Variants in GALNT13 observed in about 807,000 individuals in gnomAD.
The protein encoded by GALNT13 is polypeptide N-acetylgalactosaminyltransferase 13.
A neutral mutation model predicts 64.2 loss-of-function variants in GALNT13; 28 were observed. The observed-to-expected ratio is 0.44, with a 90% CI of 0.32 to 0.60. GALNT13 has a LOEUF of 0.60. Among genes scored for constraint, GALNT13 ranks in the 20% least tolerant of loss-of-function variants. The pLI, the probability that GALNT13 is intolerant of heterozygous loss-of-function variation, is 0.05. For synonymous variants in GALNT13, 214 were observed against 224.6 expected (o/e 0.95, Z 0.42); for missense variants, 577 against 669.8 (o/e 0.86, Z 1.53).
intron 10 of GALNT13, among the ~76,000 whole-genome samples, chr2:154,407,080 G>A (rs1699580123): frequency 6.6e-6 from 1 of 152,118 alleles, no homozygotes; most frequent in African/African-American, 2.4e-5. Flanking sequence ...GTACTAGGCT[G>A]AATATGGCTT....
chr2:154,078,523 C>G (rs958723090), intron 3 of GALNT13, among the ~76,000 whole-genome samples: 1 of 151,450 alleles, frequency 6.6e-6, no homozygotes, highest in Non-Finnish European at 1.5e-5. Flanking sequence ...CTTCATCTTT[C>G]TTTATCTCTG....
rs1200011180 is a variant in GALNT13, at chr2:153,872,188, C to G, written c.-292C>G. On this transcript the variant is annotated 5_prime_UTR_variant, in exon 1 of 13. Coordinates refer to ENST00000392825, the MANE Select transcript of GALNT13 (RefSeq NM_052917.4). The stretch of plus-strand genomic sequence containing the variant: ...GGCGCGGGTTCCAGGTGAGCGCGGA[C>G]TCGGCGAGCCCCGCACTCGGCGCGG... The G allele has an allele frequency of 6.6e-6, 1 of 150,974 alleles. No individual in the cohort carries two copies. The highest frequency in any genetic ancestry group is 2.0e-4 in the East Asian group (1 of 5,002). The allele number at this position is 150,974 out of a possible 1,614,324, so 9.4% of individuals were successfully genotyped here. A position where few individuals can be genotyped will look rare whatever the true frequency, so the allele number is the denominator to read the frequency against.
At chr2:153,747,842 A>C in the GALNT13 span, among the ~76,000 whole-genome samples, 1 of 152,088 alleles carries the variant, frequency 6.6e-6, no homozygotes, top group African/African-American at 2.4e-5. Context: ...TGTTGTTGCA[A>C]ATGACAGGAT....
chr2:153,651,019 G>T, the GALNT13 span, among the ~76,000 whole-genome samples: 2 of 152,070 alleles, frequency 1.3e-5, no homozygotes, highest in African/African-American at 4.8e-5. Context: ...AAATTTCGCA[G>T]ACCAATGGGC....
At chr2:154,024,908 A>G (rs903089410) in intron 3 of GALNT13, among the ~76,000 whole-genome samples, 2 of 152,052 alleles carry the variant, frequency 1.3e-5, no homozygotes, top group African/African-American at 4.8e-5. Context: ...TTTTCCTTCT[A>G]ACAGACAGGA....
intron 3 of GALNT13, among the ~76,000 whole-genome samples, chr2:154,069,970 T>C (rs79877434): frequency 0.013 from 1,923 of 152,236 alleles, 38 homozygotes; most frequent in African/African-American, 0.044. Flanking sequence ...GAAAGTTTTA[T>C]TAGAATGCAC....
chr2:153,723,989 A>G, the GALNT13 span, among the ~76,000 whole-genome samples: 3 of 149,208 alleles, frequency 2.0e-5, no homozygotes, highest in African/African-American at 5.0e-5. Flanking sequence ...AAGAGCCCGC[A>G]TCGCCAAGTC....
At chr2:154,443,654 A>G (rs1201476662) in intron 12 of GALNT13, among the ~76,000 whole-genome samples, 1 of 152,060 alleles carries the variant, frequency 6.6e-6, no homozygotes, top group East Asian at 1.9e-4. Flanking sequence ...TAATTTTACA[A>G]TATTAATGGC....
chr2:154,191,758 G>C (rs1283116188), intron 4 of GALNT13, among the ~76,000 whole-genome samples: 1 of 152,098 alleles, frequency 6.6e-6, no homozygotes, highest in African/African-American at 2.4e-5. Context: ...GCAAGTTGTG[G>C]GGCTTCGACC....
At chr2:154,097,395 T>A (rs868262067) in intron 3 of GALNT13, among the ~76,000 whole-genome samples, 1 of 152,078 alleles carries the variant, frequency 6.6e-6, no homozygotes, top group African/African-American at 2.4e-5. Context: ...AAGTTAATTT[T>A]CTGTTCAGCA....
chr2:153,972,612 G>A (rs926220461), intron 3 of GALNT13, among the ~76,000 whole-genome samples: 5 of 151,862 alleles, frequency 3.3e-5, no homozygotes, highest in Non-Finnish European at 5.9e-5. Context: ...CAGATGAATT[G>A]GGGATGATGT....
chr2:154,097,384 A>C (rs1444187804), intron 3 of GALNT13, among the ~76,000 whole-genome samples: 1 of 152,116 alleles, frequency 6.6e-6, no homozygotes, highest in African/African-American at 2.4e-5. Flanking sequence ...GGTGGGAAGA[A>C]AAGTTAATTT....
chr2:154,312,668 C>T (rs1454292057), intron 9 of GALNT13, among the ~76,000 whole-genome samples: 1 of 152,056 alleles, frequency 6.6e-6, no homozygotes, highest in Non-Finnish European at 1.5e-5. Flanking sequence ...ATTGTTAAAA[C>T]AATCTCCCCC....
the GALNT13 span, among the ~76,000 whole-genome samples, chr2:153,330,316 T>C: frequency 6.6e-6 from 1 of 152,204 alleles, no homozygotes; most frequent in South Asian, 2.1e-4. Flanking sequence ...CTGTGAAAAA[T>C]GATGTTGGTA....
At chr2:154,043,462 A>ACACG (rs1481009664) in intron 3 of GALNT13, among the ~76,000 whole-genome samples, 3 of 142,638 alleles carry the variant, frequency 2.1e-5, no homozygotes, top group Non-Finnish European at 4.6e-5. Context: ...ATATACACAC[A>ACACG]TGTATACATA....
At chr2:153,185,690 A>T in the GALNT13 span, among the ~76,000 whole-genome samples, 1 of 152,130 alleles carries the variant, frequency 6.6e-6, no homozygotes, top group Non-Finnish European at 1.5e-5. Flanking sequence ...GAACTTCTTG[A>T]TTTCTGCTTT....
At chr2:153,781,355 C>T in the GALNT13 span, among the ~76,000 whole-genome samples, 1 of 152,124 alleles carries the variant, frequency 6.6e-6, no homozygotes, top group Non-Finnish European at 1.5e-5. Flanking sequence ...TTTGCTCATC[C>T]TCACCCTGCC....
the GALNT13 span, among the ~76,000 whole-genome samples, chr2:153,228,201 A>G: frequency 1.3e-5 from 2 of 152,198 alleles, no homozygotes; most frequent in Non-Finnish European, 2.9e-5. Flanking sequence ...CCGTGCTCTG[A>G]TTATTAAAGT....
At chr2:153,084,129 G>C in the GALNT13 span, among the ~76,000 whole-genome samples, 1 of 152,096 alleles carries the variant, frequency 6.6e-6, no homozygotes, top group African/African-American at 2.4e-5. Flanking sequence ...ATGCTGTTTT[G>C]GTAACTATAG....
Sources: allele counts gnomAD v4.1 joint callset (sites outside exome capture counted in the v4.1 genomes callset), GRCh38; gene constraint gnomAD v4.1.1; transcripts MANE v1.5; gene names NCBI Gene and HGNC (gene_info 2026-07-23, HGNC 2026-07-21).